Variants in HOOK1 observed in about 807,000 individuals in gnomAD.
The protein encoded by HOOK1 is hook microtubule tethering protein 1, also known as protein Hook homolog 1.
Under a neutral mutation model 112.8 loss-of-function variants are expected in HOOK1, and 60 were observed. The observed-to-expected ratio is 0.53, with a 90% confidence interval of 0.43 to 0.66. HOOK1 has a LOEUF of 0.66. Ranked by LOEUF, HOOK1 falls within the 30% of genes least tolerant of loss-of-function variation. The probability of loss-of-function intolerance (pLI) is 0.00; values close to 1 mark genes in which losing one functional copy is unlikely to be tolerated. For missense variants in HOOK1, 770 were observed against 856.0 expected (o/e 0.90, Z 1.25); for synonymous variants, 294 against 283.8 (o/e 1.04, Z -0.36).
At chr1:59,847,213 A>G in intron 10 of HOOK1, 28 bp downstream of exon 10, 1 of 1,563,304 alleles carries the variant, frequency 6.4e-7, no homozygotes, top group Non-Finnish European at 8.7e-7. Context: ...AAATATAATT[A>G]TGCCATTTCT....
chr1:59,858,919 A>C, intron 13 of HOOK1, 66 bp from the exon 14 acceptor site: 15 of 716,786 alleles, frequency 2.1e-5, no homozygotes, highest in Non-Finnish European at 2.9e-5. Flanking sequence ...GAGGGGGGGA[A>C]GGAGGGAGGG....
Position 59,873,515 on chromosome 1 carries a change from G to A in HOOK1, c.*550G>A, listed in dbSNP as rs377432833. ...TGTACCTCTACCTTGTCATGTCATGGAAGATACAACATTTGGAAGATCTGA... is the reference window on the plus strand; with the variant it reads ...TGTACCTCTACCTTGTCATGTCATGAAAGATACAACATTTGGAAGATCTGA... On this transcript the variant is annotated 3_prime_UTR_variant, in exon 22 of 22. Coordinates refer to ENST00000371208, the MANE Select transcript of HOOK1 (RefSeq NM_015888.6). 4.3e-4 allele frequency: 65 copies of A among 151,722 alleles called. 2 individuals are homozygous for A. Among genetic ancestry groups the A allele is most frequent in the African/African-American group, 1.5e-3 (64 of 41,398 alleles). The allele number at this position is 151,722 out of a possible 1,614,324, so 9.4% of individuals were successfully genotyped here. A position where few individuals can be genotyped will look rare whatever the true frequency, so the allele number is the denominator to read the frequency against.
chr1:59,835,489 C>T lies in HOOK1; in HGVS notation c.474+77C>T, dbSNP rs1320094925. The T allele has an allele frequency of 4.8e-6, 4 of 830,074 alleles. No individual in the cohort carries two copies. In the East Asian group the frequency reaches 1.1e-4, roughly 22 times the overall value. The allele number at this position is 830,074 out of a possible 1,614,324, so 51.4% of individuals were successfully genotyped here. A position where few individuals can be genotyped will look rare whatever the true frequency, so the allele number is the denominator to read the frequency against. On this transcript the variant is annotated intron_variant, in intron 6 of 21. Coordinates refer to ENST00000371208, the MANE Select transcript of HOOK1 (RefSeq NM_015888.6). ...AAAACTTTTCATACTTTATGCTTTTCTTTTTTAAAAACTTGCTCTTTGTTG... is the reference window on the plus strand; with the variant it reads ...AAAACTTTTCATACTTTATGCTTTTTTTTTTTAAAAACTTGCTCTTTGTTG...
chr1:59,872,686 G>T (rs1266406226), intron 21 of HOOK1, 109 bp from the exon 22 acceptor site: 2 of 613,800 alleles, frequency 3.3e-6, no homozygotes, highest in Non-Finnish European at 4.9e-6. Flanking sequence ...AATGAGGAAA[G>T]CCTTAGCTTT....
chr1:59,872,909 A>G lies in HOOK1; in HGVS notation c.2131A>G (p.Ile711Val), dbSNP rs752335206. 170 of 1,526,126 alleles carry G rather than the reference A, an allele frequency of 1.1e-4. No individual in the cohort carries two copies. The highest frequency in any genetic ancestry group is 1.5e-4 in the Non-Finnish European group (164 of 1,129,170). The allele number at this position is 1,526,126 out of a possible 1,614,324, so 94.5% of individuals were successfully genotyped here. ...ARSFLAQQRH[I>V]TNTRRNLSVK... Reference sequence around the variant, plus strand: ...GTCTTTCTTAGCGCAGCAACGGCACATCACCAACACCAGAAGAAATCTCTC... The same window carrying G: ...GTCTTTCTTAGCGCAGCAACGGCACGTCACCAACACCAGAAGAAATCTCTC... The change falls in exon 22 of 22, where the codon ATC becomes GTC. Residue 711 changes from isoleucine to valine, a missense_variant. By Grantham distance (29) the Ile-to-Val change is conservative (BLOSUM62 3). Transcript: ENST00000371208.
In HOOK1 at chr1:59,832,163, G is replaced by T; in HGVS notation, c.223G>T (p.Ala75Ser). 1 of 1,497,084 alleles carries T rather than the reference G, an allele frequency of 6.7e-7. No homozygotes were observed. Among genetic ancestry groups the T allele is most frequent in the South Asian group, 1.3e-5 (1 of 79,638 alleles). The allele number at this position is 1,497,084 out of a possible 1,614,324, so 92.7% of individuals were successfully genotyped here. Residue 75 changes from alanine (A) to serine (S), a missense_variant and splice_region_variant, in exon 4 of 22, where the codon GCC (alanine) becomes TCC (serine). Ala to Ser is a moderately conservative substitution (Grantham distance 99). Around this residue, in one of 3 missense-constraint regions of HOOK1, gnomAD observed 655 missense variants for 725.9 expected, o/e 0.90. Coordinates refer to ENST00000371208, the MANE Select transcript of HOOK1 (RefSeq NM_015888.6). Reference protein sequence around the residue: ...EDVGDNWRIKASNVKKVLQGI... With the variant: ...EDVGDNWRIKSSNVKKVLQGI... ...GAATCTCTTATTTTTTTCACATTAG[G>T]CCAGTAATGTAAAGAAGGTCCTTCA...
intron 15 of HOOK1, 34 bp from the exon 16 acceptor site, chr1:59,862,750 T>TGCTTTG: frequency 7.7e-7 from 1 of 1,306,036 alleles, no homozygotes; most frequent in Middle Eastern, 1.9e-4. Context: ...TGACTTTCAA[T>TGCTTTG]ACAAGTAAAT....
chr1:59,859,860 T>C (rs2098412639), intron 14 of HOOK1, among the ~76,000 whole-genome samples: 1 of 152,094 alleles, frequency 6.6e-6, no homozygotes, highest in African/African-American at 2.4e-5. Flanking sequence ...AGTTTCTAAA[T>C]TACCAAAGTA....
intron 17 of HOOK1, chr1:59,864,937 T>C: frequency 1.8e-6 from 1 of 567,540 alleles, no homozygotes; most frequent in South Asian, 2.7e-5. Context: ...GTTAAACCTA[T>C]AAAATATTTT....
chr1:59,846,774 T>C (rs1472792661), intron 9 of HOOK1, among the ~76,000 whole-genome samples: 1 of 151,482 alleles, frequency 6.6e-6, no homozygotes, highest in Non-Finnish European at 1.5e-5. Context: ...TTGTGGGTTA[T>C]TTAGGAATGT....
chr1:59,842,165 T>C (rs2102034003), intron 8 of HOOK1, among the ~76,000 whole-genome samples: 1 of 151,590 alleles, frequency 6.6e-6, no homozygotes, highest in South Asian at 2.1e-4. Context: ...GTTTTTCCTC[T>C]GTCAGTCATT....
chr1:59,816,794 CGTT>C (rs1233272293), intron 1 of HOOK1, among the ~76,000 whole-genome samples: 1 of 152,128 alleles, frequency 6.6e-6, no homozygotes, highest in Admixed American at 6.5e-5. Flanking sequence ...TAAAATTGGT[CGTT>C]TTCTTCAGTC....
chr1:59,841,447 C>T (rs1489933726), intron 8 of HOOK1, among the ~76,000 whole-genome samples: 1 of 152,126 alleles, frequency 6.6e-6, no homozygotes, highest in Non-Finnish European at 1.5e-5. Flanking sequence ...GTTAGGGTGA[C>T]TAGTCACTTA....
intron 2 of HOOK1, among the ~76,000 whole-genome samples, chr1:59,827,451 T>C (rs2098390811): frequency 6.6e-6 from 1 of 152,166 alleles, no homozygotes; most frequent in Non-Finnish European, 1.5e-5. Context: ...TTTTATTACT[T>C]AATCTGATAT....
intron 12 of HOOK1, among the ~76,000 whole-genome samples, chr1:59,857,762 G>T (rs772708115): frequency 2.0e-5 from 3 of 152,128 alleles, no homozygotes; most frequent in Non-Finnish European, 4.4e-5. Flanking sequence ...AAACATGAAC[G>T]TTCTGTTCGT....
intron 9 of HOOK1, among the ~76,000 whole-genome samples, chr1:59,846,146 T>A: frequency 6.6e-6 from 1 of 151,978 alleles, no homozygotes; most frequent in South Asian, 2.1e-4. Flanking sequence ...ATGAAGTTCT[T>A]CATAATATTC....
rs1216966680 is a variant in HOOK1, at chr1:59,855,966, T to TTATA, written c.1243-2446_1243-2443dup. 1.0e-2 allele frequency among the ~76,000 whole-genome samples: 711 copies of TTATA among 71,166 alleles called. 6 individuals carry two copies. The highest frequency in any genetic ancestry group is 0.027 in the East Asian group (74 of 2,786). The allele number at this position is 71,166 out of a possible 152,430, so 46.7% of individuals were successfully genotyped here. A position where few individuals can be genotyped will look rare whatever the true frequency, so the allele number is the denominator to read the frequency against. ...TTTATATATATATATATATAAATTA[T>TTATA]TATATATATATATATATATTTTTTT... On this transcript the variant is annotated intron_variant, in intron 12 of 21. Transcript: ENST00000371208.
intron 15 of HOOK1, 82 bp downstream of exon 15, chr1:59,860,410 T>G: frequency 8.2e-7 from 1 of 1,226,650 alleles, no homozygotes; most frequent in South Asian, 1.7e-5. Flanking sequence ...ATGGAAAATA[T>G]TATTGTAGCT....
At chr1:59,866,357 A>G (rs1406448511) in intron 19 of HOOK1, among the ~76,000 whole-genome samples, 1 of 152,210 alleles carries the variant, frequency 6.6e-6, no homozygotes, top group Non-Finnish European at 1.5e-5. Flanking sequence ...TATCTTTTGT[A>G]AAAGTTTAGC....
Sources: gnomAD v4.1 joint callset for allele counts (sites outside exome capture counted in the v4.1 genomes callset) on GRCh38, gnomAD v4.1.1 for gene constraint, gnomAD v4.1.1 regional missense constraint, MANE v1.5 for transcripts, NCBI Gene and HGNC (gene_info 2026-07-23, HGNC 2026-07-21) for gene names.